Variants in RBM46 observed in about 807,000 individuals in gnomAD.
The protein encoded by RBM46 is probable RNA-binding protein 46.
In RBM46, 12 loss-of-function variants were observed where a neutral mutation model predicts 43.3. The ratio of observed to expected loss-of-function variants is 0.28; its 90% CI spans 0.18 to 0.45. The LOEUF (loss-of-function observed/expected upper bound fraction) is 0.45. RBM46 is among the 20% of genes least tolerant of loss of function. RBM46 has a pLI of 1.00. For missense variants in RBM46, 412 were observed against 639.1 expected, an observed-to-expected ratio of 0.64 and a Z score of 3.83; for synonymous variants, 205 against 207.6, an observed-to-expected ratio of 0.99 and a Z score of 0.11.
intron 1 of RBM46, chr4:154,781,670 A>C: frequency 6.6e-6 from 1 of 152,348 alleles, no homozygotes; most frequent in East Asian, 1.9e-4. Context: ...CAGGCGCTGC[A>C]TGGTGAGGGC....
intron 4 of RBM46, among the ~76,000 whole-genome samples, chr4:154,820,889 A>G (rs1432997395): frequency 1.3e-5 from 2 of 151,892 alleles, no homozygotes; most frequent in African/African-American, 4.8e-5. Context: ...AAGTTAAAAG[A>G]TAGCTTATTT....
chr4:154,788,910 G>T (rs1733930450), intron 1 of RBM46, among the ~76,000 whole-genome samples: 1 of 152,142 alleles, frequency 6.6e-6, no homozygotes, highest in Admixed American at 6.5e-5. Flanking sequence ...TCCCTTGTAA[G>T]TTGGCTTCCT....
At chr4:154,796,983 C>A in intron 2 of RBM46, 80 bp downstream of exon 2, 3 of 1,173,670 alleles carry the variant, frequency 2.6e-6, no homozygotes, top group Non-Finnish European at 3.6e-6. Flanking sequence ...ACAAGTATTC[C>A]AAACAATAGC....
At chr4:154,817,717 T>A (rs1735523285) in intron 4 of RBM46, among the ~76,000 whole-genome samples, 1 of 152,208 alleles carries the variant, frequency 6.6e-6, no homozygotes. Flanking sequence ...TCTTGAATCT[T>A]CAGTATTAAT....
At chr4:154,801,012 T>C (rs1445829098) in intron 4 of RBM46, among the ~76,000 whole-genome samples, 1 of 151,048 alleles carries the variant, frequency 6.6e-6, no homozygotes, top group African/African-American at 2.4e-5. Context: ...ATGGAGTCTG[T>C]CTTTGTCACC....
intron 4 of RBM46, among the ~76,000 whole-genome samples, chr4:154,804,817 T>G (rs945099179): frequency 7.9e-6 from 1 of 126,596 alleles, no homozygotes; most frequent in Non-Finnish European, 1.5e-5. Flanking sequence ...TAAGGTTGTT[T>G]TTTTTTTTTT....
At chr4:154,800,061 G>A (rs538086192) in intron 4 of RBM46, among the ~76,000 whole-genome samples, 1 of 152,176 alleles carries the variant, frequency 6.6e-6, no homozygotes, top group East Asian at 1.9e-4. Context: ...GTGAGCCACC[G>A]CACCTGGCCT....
chr4:154,793,292 T>G (rs949488811), intron 1 of RBM46, among the ~76,000 whole-genome samples: 1 of 152,224 alleles, frequency 6.6e-6, no homozygotes, highest in African/African-American at 2.4e-5. Context: ...TTTTCTAGAC[T>G]GTTATTTCTA....
At chr4:154,796,634 A>G (rs1734366305) in intron 1 of RBM46, 108 bp from the exon 2 acceptor site, 1 of 738,234 alleles carries the variant, frequency 1.4e-6, no homozygotes, top group Non-Finnish European at 2.1e-6. Context: ...AGGCTAATCA[A>G]ACATGCCAGC....
At chr4:154,795,070 T>C (rs1019073133) in intron 1 of RBM46, among the ~76,000 whole-genome samples, 2 of 152,220 alleles carry the variant, frequency 1.3e-5, no homozygotes, top group Admixed American at 6.5e-5. Flanking sequence ...CAGGCTCTGC[T>C]GTGCAGTTTG....
intron 1 of RBM46, among the ~76,000 whole-genome samples, chr4:154,785,283 A>G (rs960094486): frequency 1.3e-5 from 2 of 152,140 alleles, no homozygotes; most frequent in African/African-American, 4.8e-5. Flanking sequence ...GTAAGAACCT[A>G]AATAATCTCT....
chr4:154,806,350 A>G (rs1203177776), intron 4 of RBM46, among the ~76,000 whole-genome samples: 1 of 151,886 alleles, frequency 6.6e-6, no homozygotes, highest in Admixed American at 6.6e-5. Context: ...TTAGAATGGC[A>G]AATGAATTGT....
At chr4:154,818,345 T>G (rs156570) in intron 4 of RBM46, among the ~76,000 whole-genome samples, 39,137 of 151,978 alleles carry the variant, frequency 0.26, 5,181 homozygotes, top group Middle Eastern at 0.32. Flanking sequence ...ATTTGAAAGG[T>G]TATTTTTGCT....
At chr4:154,819,000 T>C (rs1199616346) in intron 4 of RBM46, among the ~76,000 whole-genome samples, 4 of 152,190 alleles carry the variant, frequency 2.6e-5, no homozygotes, top group African/African-American at 9.6e-5. Flanking sequence ...TTCTGAAATT[T>C]AATGATCTAA....
intron 4 of RBM46, chr4:154,826,672 A>C: frequency 1.4e-6 from 1 of 737,958 alleles, no homozygotes. Flanking sequence ...AAAGGTTATA[A>C]AATTAGTTTA....
Position 154,796,973 on chromosome 4 carries a change from A to C in RBM46, c.151+70A>C, listed in dbSNP as rs1328012448. 1.4e-5 allele frequency: 19 copies of C among 1,326,654 alleles called. 1 individual carries two copies. The highest frequency in any genetic ancestry group is 2.0e-5 in the Non-Finnish European group (19 of 960,292). 82.2% of individuals were successfully genotyped at this position (1,326,654 alleles called of 1,614,324 possible). On this transcript the variant is annotated intron_variant, in intron 2 of 4. Transcript: ENST00000281722. ...TCATGTAGATTAGATGTGTATCCCC[A>C]CAAGTATTCCAAACAATAGCTCTCT...
At chr4:154,786,916 G>A (rs2111089130) in intron 1 of RBM46, among the ~76,000 whole-genome samples, 1 of 152,300 alleles carries the variant, frequency 6.6e-6, no homozygotes, top group South Asian at 2.1e-4. Flanking sequence ...GACAGAGCGA[G>A]ACTCCTTCTT....
intron 4 of RBM46, among the ~76,000 whole-genome samples, chr4:154,826,418 A>C (rs566579565): frequency 2.1e-4 from 32 of 152,288 alleles, no homozygotes; most frequent in African/African-American, 7.7e-4. Context: ...AGACCGCACC[A>C]TTGCACCCCA....
chr4:154,811,766 C>T (rs763872941), intron 4 of RBM46, among the ~76,000 whole-genome samples: 2 of 151,252 alleles, frequency 1.3e-5, no homozygotes, highest in East Asian at 2.0e-4. Flanking sequence ...TTGCAACATC[C>T]GCCTCCCGGG....
Sources: allele counts gnomAD v4.1 joint callset (sites outside exome capture counted in the v4.1 genomes callset), GRCh38; gene constraint gnomAD v4.1.1; transcripts MANE v1.5; gene names NCBI Gene and HGNC (gene_info 2026-07-23, HGNC 2026-07-21).